RIC1: variants seen among roughly 807,000 people sequenced by gnomAD.
The protein encoded by RIC1 is guanine nucleotide exchange factor subunit RIC1.
RIC1 carries 88 observed loss-of-function variants against 169.0 expected under a neutral mutation model. That is an observed-to-expected ratio of 0.52 (90% CI 0.44 to 0.62). RIC1 has a LOEUF of 0.62. Among genes scored for constraint, RIC1 ranks in the 20% least tolerant of loss-of-function variants. RIC1 has a pLI of 0.00. For missense variants in RIC1, 1,877 were observed against 1,725.5 expected (o/e 1.09, Z -1.56); for synonymous variants, 790 against 601.5 (o/e 1.31, Z -4.59).
intron 4 of RIC1, among the ~76,000 whole-genome samples, chr9:5,714,898 A>G (rs1041261881): frequency 6.6e-6 from 1 of 152,142 alleles, no homozygotes; most frequent in Non-Finnish European, 1.5e-5. Context: ...AATTATATGA[A>G]TGTCATGCTA....
chr9:5,656,516 TTTTA>T (rs1563873697), intron 1 of RIC1, 63 bp from the exon 2 acceptor site: 8 of 691,756 alleles, frequency 1.2e-5, no homozygotes, highest in Admixed American at 3.0e-5. Flanking sequence ...TTATCTTAAA[TTTTA>T]TTTGTGTATT....
At chr9:5,760,919 A>C (rs1036274402) in intron 17 of RIC1, among the ~76,000 whole-genome samples, 2 of 152,016 alleles carry the variant, frequency 1.3e-5, no homozygotes, top group African/African-American at 4.8e-5. Context: ...CAATCCCACA[A>C]GTTTTGAATA....
At chr9:5,667,547 C>G (rs952539925) in intron 2 of RIC1, among the ~76,000 whole-genome samples, 2 of 150,158 alleles carry the variant, frequency 1.3e-5, no homozygotes, top group African/African-American at 4.9e-5. Context: ...TTTTGTTGCC[C>G]AGGCTGAAAT....
At chr9:5,762,807 A>G in intron 18 of RIC1, 147 bp downstream of exon 18, 1 of 1,045,544 alleles carries the variant, frequency 9.6e-7, no homozygotes. Context: ...TCTGGGTGTA[A>G]GACTGACTGA....
In RIC1 at chr9:5,629,284, G is replaced by T. The variant is rs1272673856; in HGVS notation, c.-26G>T. 2 of 1,466,874 alleles carry T rather than the reference G, an allele frequency of 1.4e-6. No individual in the cohort carries two copies. Among genetic ancestry groups the T allele is most frequent in the Admixed American group, 4.6e-5 (2 of 43,658 alleles). The allele number at this position is 1,466,874 out of a possible 1,614,324, so 90.9% of individuals were successfully genotyped here. A position where few individuals can be genotyped will look rare whatever the true frequency, so the allele number is the denominator to read the frequency against. ...CCGCTGAGTGTGACGGACGCAACTG[G>T]GGGCGCCGGGGGCTCCGCACGGACC... On this transcript the variant is annotated 5_prime_UTR_variant, in exon 1 of 26. Transcript: ENST00000414202.
chr9:5,669,244 C>T (rs923633608), intron 2 of RIC1, among the ~76,000 whole-genome samples: 11 of 152,134 alleles, frequency 7.2e-5, no homozygotes, highest in African/African-American at 2.2e-4. Flanking sequence ...AAGCAGTGTA[C>T]ACTGTGTACC....
intron 6 of RIC1, among the ~76,000 whole-genome samples, chr9:5,728,411 G>C (rs1316008043): frequency 6.6e-6 from 1 of 152,240 alleles, no homozygotes; most frequent in Non-Finnish European, 1.5e-5. Context: ...ATTAGGGTGG[G>C]AGTGTCCCGA....
chr9:5,756,290 C>T lies in RIC1; in HGVS notation c.1771C>T (p.Leu591Phe). 1.2e-6 allele frequency: 2 copies of T among 1,605,214 alleles called. No individual in the cohort carries two copies. Among genetic ancestry groups the T allele is most frequent in the Non-Finnish European group, 1.7e-6 (2 of 1,174,444 alleles). ...VTKAQAETLL[L>F]SVFQDMVIVF... ...CAAAGCACAAGCAGAAACATTACTG[C>T]TTAGTGTCTTCCAGGACATGGTAAT... Residue 591 changes from leucine to phenylalanine, a missense_variant, in exon 16 of 26, where the codon CTT (leucine) becomes TTT (phenylalanine). This residue lies in a region of RIC1 where 1,104 missense variants were observed against 992.0 expected (regional missense o/e 1.11). Coordinates refer to ENST00000414202, the MANE Select transcript of RIC1 (RefSeq NM_020829.4).
intron 8 of RIC1, among the ~76,000 whole-genome samples, chr9:5,740,653 G>T (rs1398296275): frequency 6.6e-6 from 1 of 150,708 alleles, no homozygotes; most frequent in African/African-American, 2.4e-5. Flanking sequence ...GGGGGGCTAG[G>T]CCCGTCTCTA....
chr9:5,737,443 T>C (rs1440994708), intron 7 of RIC1, among the ~76,000 whole-genome samples: 1 of 152,174 alleles, frequency 6.6e-6, no homozygotes. Flanking sequence ...TCTTCTTTGA[T>C]ACTCCCTTCT....
chr9:5,702,794 G>T (rs527774051), intron 3 of RIC1, among the ~76,000 whole-genome samples: 57 of 152,192 alleles, frequency 3.7e-4, no homozygotes, highest in Non-Finnish European at 7.4e-4. Context: ...CATTCTGCCC[G>T]ACTTGGCCTC....
chr9:5,742,797 T>TGAA, intron 8 of RIC1, 72 bp from the exon 9 acceptor site: 1 of 798,626 alleles, frequency 1.3e-6, no homozygotes, highest in Non-Finnish European at 1.8e-6. Flanking sequence ...AGATTGTATT[T>TGAA]GAAAAAAAAA....
intron 12 of RIC1, among the ~76,000 whole-genome samples, chr9:5,750,625 A>G (rs920851882): frequency 2.0e-5 from 3 of 151,832 alleles, no homozygotes; most frequent in African/African-American, 7.3e-5. Context: ...AAAAATCATA[A>G]TAACAAATGA....
intron 2 of RIC1, among the ~76,000 whole-genome samples, chr9:5,679,462 C>G (rs1195541066): frequency 6.6e-6 from 1 of 152,146 alleles, no homozygotes; most frequent in Non-Finnish European, 1.5e-5. Context: ...TTGATTCTTC[C>G]TATCCATGAG....
At chr9:5,777,232 CTT>C (rs370361316), downstream of RIC1, among the ~76,000 whole-genome samples, 337 of 151,510 alleles carry the variant, frequency 2.2e-3, no homozygotes, top group African/African-American at 7.4e-3. Context: ...GGATACTACT[CTT>C]TTATGTACAT....
chr9:5,754,881 A>G lies in RIC1; in HGVS notation c.1643A>G (p.Asn548Ser), dbSNP rs1171068150. The G allele has an allele frequency of 1.3e-5, 20 of 1,580,468 alleles. No homozygotes were observed. The highest frequency in any genetic ancestry group is 1.7e-5 in the Non-Finnish European group (20 of 1,158,364). Residue 548 changes from asparagine to serine, a missense_variant, in exon 15 of 26, where the codon AAT becomes AGT. Coordinates refer to ENST00000414202, the MANE Select transcript of RIC1 (RefSeq NM_020829.4). ...MIVTGGLAWW[N>S]DFMVLACYNI... Reference sequence around the variant, plus strand: ...GTGACAGGTGGCTTAGCCTGGTGGAATGATTTTATGGTCCTTGCGTGTTAT... The same window carrying G: ...GTGACAGGTGGCTTAGCCTGGTGGAGTGATTTTATGGTCCTTGCGTGTTAT...
intron 2 of RIC1, among the ~76,000 whole-genome samples, chr9:5,681,632 G>A (rs1265420814): frequency 1.3e-5 from 2 of 152,172 alleles, no homozygotes; most frequent in Non-Finnish European, 1.5e-5. Flanking sequence ...GATTTGGGGT[G>A]GAGAGTTCTG....
chr9:5,749,965 G>C (rs912070255), intron 12 of RIC1, among the ~76,000 whole-genome samples: 6 of 151,636 alleles, frequency 4.0e-5, no homozygotes, highest in African/African-American at 1.5e-4. Flanking sequence ...TTTTAGTAGA[G>C]ACGGGGTTTC....
intron 2 of RIC1, among the ~76,000 whole-genome samples, chr9:5,683,147 G>A (rs145856345): frequency 5.3e-5 from 8 of 152,220 alleles, no homozygotes; most frequent in African/African-American, 1.2e-4. Context: ...CTTTCAACTC[G>A]TCAAAGTCAT....
Sources: gnomAD v4.1 joint callset for allele counts (sites outside exome capture counted in the v4.1 genomes callset) on GRCh38, gnomAD v4.1.1 for gene constraint, gnomAD v4.1.1 regional missense constraint, MANE v1.5 for transcripts, NCBI Gene and HGNC (gene_info 2026-07-23, HGNC 2026-07-21) for gene names.